Variants in OLFM3 observed in about 807,000 individuals in gnomAD.
The protein encoded by OLFM3 is noelin-3.
A neutral mutation model predicts 48.6 loss-of-function variants in OLFM3; 20 were observed. The observed-to-expected ratio is 0.41, with a 90% CI of 0.29 to 0.60. The LOEUF (loss-of-function observed/expected upper bound fraction) is 0.60, where lower values mean the gene tolerates loss of function less well. OLFM3 is among the 20% of genes least tolerant of loss of function. The pLI is 0.28. For synonymous variants in OLFM3, 222 were observed against 198.1 expected, an observed-to-expected ratio of 1.12 and a Z score of -1.01; for missense variants, 437 against 544.3, an observed-to-expected ratio of 0.80 and a Z score of 1.96.
At chr1:101,961,203 A>G (rs1660457031) in intron 1 of OLFM3, among the ~76,000 whole-genome samples, 1 of 152,112 alleles carries the variant, frequency 6.6e-6, no homozygotes. Context: ...AAATTTCTCA[A>G]GAAGTTAATG....
intron 1 of OLFM3, among the ~76,000 whole-genome samples, chr1:101,847,965 G>T (rs182616407): frequency 6.6e-6 from 1 of 152,022 alleles, no homozygotes; most frequent in Non-Finnish European, 1.5e-5. Flanking sequence ...TACAATATAA[G>T]GATGTTGGAA....
intron 1 of OLFM3, among the ~76,000 whole-genome samples, chr1:101,869,399 T>C (rs1441574953): frequency 6.6e-6 from 1 of 152,176 alleles, no homozygotes; most frequent in African/African-American, 2.4e-5. Context: ...TTCTCCCTTT[T>C]GGAATGAGAG....
chr1:101,846,427 A>T (rs989397832), intron 1 of OLFM3, among the ~76,000 whole-genome samples: 2 of 152,174 alleles, frequency 1.3e-5, no homozygotes, highest in South Asian at 4.1e-4. Context: ...TCCAAGGAAG[A>T]ATCTGCTGTA....
chr1:101,828,060 CTCTCTG>C (rs1654966296), intron 3 of OLFM3, among the ~76,000 whole-genome samples: 1 of 124,076 alleles, frequency 8.1e-6, no homozygotes, highest in African/African-American at 2.9e-5. Context: ...GTCTCTCTCT[CTCTCTG>C]TCTCTCTCTC....
intron 1 of OLFM3, among the ~76,000 whole-genome samples, chr1:101,848,366 A>C (rs1228764013): frequency 6.6e-6 from 1 of 152,192 alleles, no homozygotes; most frequent in Non-Finnish European, 1.5e-5. Context: ...AGGAGAAATA[A>C]ATAAAATGTC....
intron 1 of OLFM3, among the ~76,000 whole-genome samples, chr1:101,960,086 T>C (rs1660422820): frequency 6.6e-6 from 1 of 152,002 alleles, no homozygotes. Flanking sequence ...AAAAATAAAA[T>C]TACGAGGCTT....
chr1:101,976,609 G>A (rs1281028985), intron 1 of OLFM3, among the ~76,000 whole-genome samples: 3 of 152,016 alleles, frequency 2.0e-5, no homozygotes, highest in African/African-American at 7.3e-5. Flanking sequence ...TTATAAGTCC[G>A]GCTTCATCTT....
At chr1:101,824,281 C>T (rs1421463647) in intron 4 of OLFM3, among the ~76,000 whole-genome samples, 1 of 152,172 alleles carries the variant, frequency 6.6e-6, no homozygotes, top group African/African-American at 2.4e-5. Context: ...CCTCCTTATT[C>T]AATTCATAGC....
At chr1:101,942,324 C>T (rs548137453) in intron 1 of OLFM3, among the ~76,000 whole-genome samples, 14 of 152,216 alleles carry the variant, frequency 9.2e-5, no homozygotes, top group South Asian at 4.2e-4. Flanking sequence ...TATTGGGGTG[C>T]TGTAACAATC....
rs564760097 is a variant in OLFM3, at chr1:101,894,996, T to C, written c.70-57971A>G. On this transcript the variant is annotated intron_variant, in intron 1 of 5. Transcript: ENST00000370103. Reference sequence around the variant, plus strand: ...GATCCCAGTAATGAGCTGTTTACTTTGTATAAACAGAATGAATACAATACT... The same window carrying C: ...GATCCCAGTAATGAGCTGTTTACTTCGTATAAACAGAATGAATACAATACT... 2.0e-5 allele frequency among the ~76,000 whole-genome samples: 3 copies of C among 152,260 alleles called. No homozygotes were observed. The East Asian group carries it at 5.8e-4, about 29-fold the overall frequency.
In OLFM3 at chr1:101,886,164, G is replaced by A. The variant is rs149860310; in HGVS notation, c.70-49139C>T. On this transcript the variant is annotated intron_variant, in intron 1 of 5. Coordinates refer to ENST00000370103, the MANE Select transcript of OLFM3 (RefSeq NM_058170.4). ...AAAAATTTTGAGTTTTTCCTTTTGA[G>A]TTCATGCAAAAATGAGAAGGTTGCA... 1.1e-4 allele frequency among the ~76,000 whole-genome samples: 16 copies of A among 151,984 alleles called. 1 individual carries two copies. The East Asian group carries it at 3.1e-3, about 29-fold the overall frequency.
At chr1:101,928,702 A>T (rs1441023998) in intron 1 of OLFM3, among the ~76,000 whole-genome samples, 1 of 152,178 alleles carries the variant, frequency 6.6e-6, no homozygotes, top group African/African-American at 2.4e-5. Flanking sequence ...TGCAGCAGCA[A>T]CTACTATGTC....
At chr1:101,838,431 A>G (rs1458676978) in intron 1 of OLFM3, among the ~76,000 whole-genome samples, 2 of 152,214 alleles carry the variant, frequency 1.3e-5, no homozygotes, top group South Asian at 2.1e-4. Context: ...GATAAGCATT[A>G]TTATTTTTTA....
chr1:101,970,316 T>G (rs1660745986), intron 1 of OLFM3, among the ~76,000 whole-genome samples: 1 of 152,158 alleles, frequency 6.6e-6, no homozygotes, highest in Admixed American at 6.5e-5. Flanking sequence ...TGTGCCAGCC[T>G]TTTTCTTTTC....
intron 1 of OLFM3, among the ~76,000 whole-genome samples, chr1:101,950,792 A>G (rs1353190314): frequency 3.3e-5 from 5 of 152,126 alleles, no homozygotes; most frequent in African/African-American, 1.2e-4. Context: ...AGTATCCTCT[A>G]TAAGAACAAG....
At chr1:101,974,039 C>A (rs1336520121) in intron 1 of OLFM3, among the ~76,000 whole-genome samples, 1 of 151,324 alleles carries the variant, frequency 6.6e-6, no homozygotes, top group African/African-American at 2.4e-5. Context: ...AGCTTCAAGA[C>A]CCCATTTACA....
intron 2 of OLFM3, among the ~76,000 whole-genome samples, chr1:101,833,165 C>T (rs987070848): frequency 9.2e-5 from 14 of 152,304 alleles, no homozygotes; most frequent in Admixed American, 9.2e-4. Flanking sequence ...GTCTTTATTT[C>T]TGCCTTTGAC....
rs138328028 is a variant in OLFM3, at chr1:101,861,313, C to T, written c.70-24288G>A. On this transcript the variant is annotated intron_variant, in intron 1 of 5. Coordinates refer to ENST00000370103, the MANE Select transcript of OLFM3 (RefSeq NM_058170.4). Reference sequence around the variant, plus strand: ...CTGACCTCAAGTGATTTGGCCGCCCCGGCCTCCCAAAGTGCTGGGATTACA... The same window carrying T: ...CTGACCTCAAGTGATTTGGCCGCCCTGGCCTCCCAAAGTGCTGGGATTACA... 2.3e-3 allele frequency among the ~76,000 whole-genome samples: 350 copies of T among 150,652 alleles called. 3 individuals carry two copies. The highest frequency in any genetic ancestry group is 8.0e-3 in the African/African-American group (324 of 40,592).
intron 1 of OLFM3, among the ~76,000 whole-genome samples, chr1:101,955,943 A>G (rs1660275272): frequency 6.6e-6 from 1 of 151,798 alleles, no homozygotes; most frequent in African/African-American, 2.4e-5. Flanking sequence ...TAATGGCATC[A>G]CCATCCACCA....
Sources: allele counts gnomAD v4.1 joint callset (sites outside exome capture counted in the v4.1 genomes callset), GRCh38; gene constraint gnomAD v4.1.1; transcripts MANE v1.5; gene names NCBI Gene and HGNC (gene_info 2026-07-23, HGNC 2026-07-21).